MBNL1: variants seen among roughly 807,000 people sequenced by gnomAD.
MBNL1 encodes muscleblind like splicing regulator 1, also known as muscleblind-like protein 1.
A neutral mutation model predicts 42.2 loss-of-function variants in MBNL1; 8 were observed. That is an observed-to-expected ratio of 0.19 (90% CI 0.11 to 0.34). The LOEUF is 0.34. MBNL1 is among the 10% of genes least tolerant of loss of function. The pLI, the probability that MBNL1 is intolerant of heterozygous loss-of-function variation, is 1.00. For synonymous variants in MBNL1, 169 were observed against 173.9 expected, an observed-to-expected ratio of 0.97 and a Z score of 0.22; for missense variants, 309 against 495.3, an observed-to-expected ratio of 0.62 and a Z score of 3.57.
intron 2 of MBNL1, among the ~76,000 whole-genome samples, chr3:152,399,985 C>T (rs1024725058): frequency 8.5e-5 from 13 of 152,192 alleles, no homozygotes; most frequent in African/African-American, 2.9e-4. Flanking sequence ...AGAATGCATG[C>T]TAACCCTGAC....
At chr3:152,326,037 T>A (rs1252622157) in intron 2 of MBNL1, among the ~76,000 whole-genome samples, 3 of 152,154 alleles carry the variant, frequency 2.0e-5, no homozygotes, top group Non-Finnish European at 2.9e-5. Flanking sequence ...TCCTATCATG[T>A]CACTTATACT....
At chr3:152,247,537 G>A (rs953765962) in intron 2 of MBNL1, among the ~76,000 whole-genome samples, 1 of 151,484 alleles carries the variant, frequency 6.6e-6, no homozygotes, top group Admixed American at 6.6e-5. Context: ...TAAATGAAAT[G>A]GAATCTAATT....
intron 2 of MBNL1, chr3:152,340,726 G>C (rs754238026): frequency 4.3e-6 from 7 of 1,614,012 alleles, no homozygotes. Context: ...ATGTTCCTTT[G>C]GATTCCGTGA....
chr3:152,331,175 C>T (rs2084217485), intron 2 of MBNL1, among the ~76,000 whole-genome samples: 1 of 151,914 alleles, frequency 6.6e-6, no homozygotes, highest in African/African-American at 2.4e-5. Flanking sequence ...CACACAGACA[C>T]TCCTTCCCCT....
chr3:152,364,382 C>T (rs1472737584), intron 2 of MBNL1, among the ~76,000 whole-genome samples: 1 of 151,992 alleles, frequency 6.6e-6, no homozygotes, highest in Non-Finnish European at 1.5e-5. Flanking sequence ...GCTAGTAAAA[C>T]ACTACATAGT....
intron 1 of MBNL1, among the ~76,000 whole-genome samples, chr3:152,288,693 CAGTAA>C (rs2054070080): frequency 6.6e-6 from 1 of 152,190 alleles, no homozygotes; most frequent in East Asian, 1.9e-4. Context: ...AAGAAAATAA[CAGTAA>C]AGTATTTATT....
chr3:152,451,741 T>C lies in MBNL1; in HGVS notation c.962-3801T>C, dbSNP rs555539409. ...GCCTTAGGCCAGGTTGTTTCAGATA[T>C]TTTGTTCAAAAGAGCTACGTTTTAT... is the stretch of plus-strand genomic sequence containing the variant. On this transcript the variant is annotated intron_variant, in intron 6 of 9. Transcript: ENST00000324210. Among the ~76,000 whole-genome samples the C allele has an allele frequency of 2.6e-5, 4 of 152,354 alleles. No homozygotes were observed. In the South Asian group the frequency reaches 8.3e-4, roughly 32 times the overall value.
At chr3:152,317,701 T>C (rs139347941) in intron 2 of MBNL1, among the ~76,000 whole-genome samples, 61 of 152,370 alleles carry the variant, frequency 4.0e-4, no homozygotes, top group Admixed American at 1.6e-3. Flanking sequence ...TTTGAATTTC[T>C]AACTGATTCT....
At chr3:152,281,702 T>A (rs2048582103) in intron 1 of MBNL1, among the ~76,000 whole-genome samples, 1 of 152,196 alleles carries the variant, frequency 6.6e-6, no homozygotes, top group Non-Finnish European at 1.5e-5. Context: ...CTTTGCTGAA[T>A]GGCACCTTTT....
At chr3:152,308,755 T>C (rs1307752746) in intron 2 of MBNL1, among the ~76,000 whole-genome samples, 1 of 152,138 alleles carries the variant, frequency 6.6e-6, no homozygotes, top group African/African-American at 2.4e-5. Context: ...GTTTTCTAAA[T>C]ACTAGTAGCC....
At chr3:152,356,324 C>A (rs974194882) in intron 2 of MBNL1, among the ~76,000 whole-genome samples, 1 of 151,734 alleles carries the variant, frequency 6.6e-6, no homozygotes, top group Non-Finnish European at 1.5e-5. Context: ...TATGTGCCAC[C>A]AATAGCACTA....
chr3:152,261,536 G>A (rs545107694), intron 2 of MBNL1, among the ~76,000 whole-genome samples: 1 of 152,028 alleles, frequency 6.6e-6, no homozygotes, highest in African/African-American at 2.4e-5. Flanking sequence ...CCTCATTCTC[G>A]CCTTAGTGTG....
rs187577684 is a variant in MBNL1, at chr3:152,412,817, A to T, written c.175-2124A>T. 7.2e-5 allele frequency among the ~76,000 whole-genome samples: 11 copies of T among 152,282 alleles called. No homozygotes were observed. In the East Asian group the frequency reaches 2.1e-3, roughly 29 times the overall value. On this transcript the variant is annotated intron_variant, in intron 2 of 9. Coordinates refer to ENST00000324210, the MANE Select transcript of MBNL1 (RefSeq NM_021038.5). The stretch of plus-strand genomic sequence containing the variant: ...TCTGGTTCATGGCCCAGGGCTATCT[A>T]TCTACTATTTACAGAACTATAGAAA...
intron 1 of MBNL1, among the ~76,000 whole-genome samples, chr3:152,296,686 G>GTGTGTA (rs2058659199): frequency 6.6e-6 from 1 of 151,904 alleles, no homozygotes. Flanking sequence ...GTGTGTGTGT[G>GTGTGTA]TGTGTGTGTG....
rs901268460 is a variant in MBNL1, at chr3:152,253,987, C to G, written n.333+9547C>G. On this transcript the variant is annotated intron_variant and non_coding_transcript_variant, in intron 2 of 2. Coordinates refer to the MBNL1 transcript ENST00000477171. ...CACTAGACTGTAAGTTCCATGAGGG[C>G]AGAAACTTGGCCTTTGTTGTTCATG... Among the ~76,000 whole-genome samples, 22 of 152,146 alleles carry G rather than the reference C, an allele frequency of 1.4e-4. No individual in the cohort carries two copies. In the East Asian group the frequency reaches 4.3e-3, roughly 29 times the overall value.
At chr3:152,365,344 C>T (rs1039392976) in intron 2 of MBNL1, among the ~76,000 whole-genome samples, 8 of 151,952 alleles carry the variant, frequency 5.3e-5, no homozygotes. Context: ...GTTTCAGCAA[C>T]GAAACAGAAT....
intron 2 of MBNL1, among the ~76,000 whole-genome samples, chr3:152,327,126 G>C (rs996619058): frequency 1.3e-5 from 2 of 151,772 alleles, no homozygotes; most frequent in Admixed American, 6.6e-5. Context: ...TATTTGAATT[G>C]CTTCTCCTAA....
chr3:152,287,178 G>A (rs998735438), intron 1 of MBNL1, among the ~76,000 whole-genome samples: 3 of 151,178 alleles, frequency 2.0e-5, no homozygotes, highest in Non-Finnish European at 4.4e-5. Flanking sequence ...TCACACCACT[G>A]CACTCCAGCG....
rs539924925 is a variant in MBNL1, at chr3:152,397,381, T to C, written c.175-17560T>C. Among the ~76,000 whole-genome samples, 23 of 152,206 alleles carry C rather than the reference T, an allele frequency of 1.5e-4. No individual in the cohort carries two copies. In the South Asian group the frequency reaches 2.1e-3, roughly 14 times the overall value. ...TAGCACCCCTACCCCTGACAGGCCC[T>C]GGTGTGTGATTTTCCCCTCCCTTCG... On this transcript the variant is annotated intron_variant, in intron 2 of 9. Coordinates refer to ENST00000324210, the MANE Select transcript of MBNL1 (RefSeq NM_021038.5).
Sources: gnomAD v4.1 joint callset for allele counts (sites outside exome capture counted in the v4.1 genomes callset) on GRCh38, gnomAD v4.1.1 for gene constraint, MANE v1.5 for transcripts, NCBI Gene and HGNC (gene_info 2026-07-23, HGNC 2026-07-21) for gene names.